Variants in PGPEP1 observed in about 807,000 individuals in gnomAD.
The protein encoded by PGPEP1 is pyroglutamyl-peptidase 1.
In PGPEP1, 15 loss-of-function variants were observed where a neutral mutation model predicts 24.1. The ratio of observed to expected loss-of-function variants is 0.62; its 90% confidence interval spans 0.42 to 0.96. PGPEP1 has a LOEUF of 0.96. PGPEP1 is among the 40% of genes least tolerant of loss of function. The pLI, the probability that PGPEP1 is intolerant of heterozygous loss-of-function variation, is 0.00. For missense variants in PGPEP1, 242 were observed against 273.4 expected (o/e 0.89, Z 0.81); for synonymous variants, 122 against 116.4 (o/e 1.05, Z -0.31).
At chr19:18,345,335 C>T (rs535058125) in intron 2 of PGPEP1, among the ~76,000 whole-genome samples, 1 of 152,146 alleles carries the variant, frequency 6.6e-6, no homozygotes, top group Admixed American at 6.5e-5. Flanking sequence ...GTTTAGGACA[C>T]AAGATTCCCC....
intron 2 of PGPEP1, among the ~76,000 whole-genome samples, chr19:18,353,734 A>G (rs1451142832): frequency 6.6e-6 from 1 of 152,140 alleles, no homozygotes; most frequent in Non-Finnish European, 1.5e-5. Flanking sequence ...CAATGGAATC[A>G]TACAATATGT....
rs915051793 is a variant in PGPEP1, at chr19:18,363,720, C to A, written c.*137C>A. 1 of 573,436 alleles carries A rather than the reference C, an allele frequency of 1.7e-6. No homozygotes were observed. Among genetic ancestry groups the A allele is most frequent in the Non-Finnish European group, 3.0e-6 (1 of 333,176 alleles). 35.5% of individuals were successfully genotyped at this position (573,436 alleles called of 1,614,324 possible). A position where few individuals can be genotyped will look rare whatever the true frequency, so the allele number is the denominator to read the frequency against. ...TGGAAGAGAGATTCTGATCTGCCCA[C>A]CTCCTCTTCCTCCTTCTCTACAAAA... On this transcript the variant is annotated 3_prime_UTR_variant, in exon 5 of 5. Transcript: ENST00000269919.
At position 18,368,041 on chromosome 19, in the gene PGPEP1, G is replaced by C. The variant is rs1197919004; in HGVS notation, c.*4458G>C. 1 of 152,068 alleles carries C rather than the reference G, an allele frequency of 6.6e-6. No homozygotes were observed. The highest frequency in any genetic ancestry group is 1.5e-5 in the Non-Finnish European group (1 of 68,088). The allele number at this position is 152,068 out of a possible 1,614,324, so 9.4% of individuals were successfully genotyped here. Reference sequence around the variant, plus strand: ...CCAGCTACTTGGGAGGCTGAGTTGGGAGGCTTATCTGAGCCCAGGAGGTGA... The same window carrying C: ...CCAGCTACTTGGGAGGCTGAGTTGGCAGGCTTATCTGAGCCCAGGAGGTGA... On this transcript the variant is annotated 3_prime_UTR_variant, in exon 5 of 5. Coordinates refer to ENST00000269919, the MANE Select transcript of PGPEP1 (RefSeq NM_017712.4).
At chr19:18,347,532 G>T (rs1970887028) in intron 2 of PGPEP1, among the ~76,000 whole-genome samples, 1 of 150,722 alleles carries the variant, frequency 6.6e-6, no homozygotes, top group Non-Finnish European at 1.5e-5. Flanking sequence ...CCCTGTGTGT[G>T]TCTCTGTCTC....
At chr19:18,350,461 C>T (rs373967715) in intron 2 of PGPEP1, among the ~76,000 whole-genome samples, 9 of 152,312 alleles carry the variant, frequency 5.9e-5, no homozygotes, top group Admixed American at 4.6e-4. Context: ...TTCAGTGTAA[C>T]GATCTCTCTC....
At chr19:18,353,889 G>A (rs977845253) in intron 2 of PGPEP1, among the ~76,000 whole-genome samples, 2 of 152,154 alleles carry the variant, frequency 1.3e-5, no homozygotes, top group African/African-American at 4.8e-5. Context: ...TCCATCTGTT[G>A]ATGGGCATTT....
At chr19:18,362,075 T>C (rs1971360208) in intron 4 of PGPEP1, among the ~76,000 whole-genome samples, 1 of 152,274 alleles carries the variant, frequency 6.6e-6, no homozygotes, top group Non-Finnish European at 1.5e-5. Flanking sequence ...TGTACTTTCT[T>C]GTACCCTTGT....
Position 18,367,619 on chromosome 19 carries a change from G to A in PGPEP1, c.*4036G>A, listed in dbSNP as rs1971592721. ...ATGTAGCTCAAAAAAGAAATAAGATGGAGTGGAAAGGAAAGAAAGGAAGAA... is the reference window on the plus strand; with the variant it reads ...ATGTAGCTCAAAAAAGAAATAAGATAGAGTGGAAAGGAAAGAAAGGAAGAA... On this transcript the variant is annotated 3_prime_UTR_variant, in exon 5 of 5. Transcript: ENST00000269919. 1.3e-5 allele frequency: 2 copies of A among 152,182 alleles called. No homozygotes were observed. Among genetic ancestry groups the A allele is most frequent in the African/African-American group, 2.4e-5 (1 of 41,356 alleles). 9.4% of individuals were successfully genotyped at this position (152,182 alleles called of 1,614,324 possible).
rs1491540208 is a variant in PGPEP1, at chr19:18,363,032, T to TG, written c.438-359_438-358insG. 1.5e-3 allele frequency among the ~76,000 whole-genome samples: 196 copies of TG among 132,926 alleles called. 1 individual carries two copies. The highest frequency in any genetic ancestry group is 4.6e-3 in the African/African-American group (159 of 34,296). The allele number at this position is 132,926 out of a possible 152,430, so 87.2% of individuals were successfully genotyped here. On this transcript the variant is annotated intron_variant, in intron 4 of 4. Coordinates refer to ENST00000269919, the MANE Select transcript of PGPEP1 (RefSeq NM_017712.4). Reference sequence around the variant, plus strand: ...ACTGGGAGTTATCAAGTTTTTTTTGTTTGTGTGTGTGTGTGTGTGTGTGTG... The same window carrying TG: ...ACTGGGAGTTATCAAGTTTTTTTTGTGTTGTGTGTGTGTGTGTGTGTGTGTG...
chr19:18,358,996 T>C (rs535454441), intron 4 of PGPEP1, among the ~76,000 whole-genome samples: 2 of 152,114 alleles, frequency 1.3e-5, no homozygotes, highest in African/African-American at 4.8e-5. Flanking sequence ...CTTTTATAAA[T>C]TTAAATCAGG....
At chr19:18,363,104 T>A (rs1232281842) in intron 4 of PGPEP1, among the ~76,000 whole-genome samples, 1 of 151,288 alleles carries the variant, frequency 6.6e-6, no homozygotes, top group Non-Finnish European at 1.5e-5. Context: ...TCACCCAGGC[T>A]GAGTGCAGTG....
At position 18,366,199 on chromosome 19, in the gene PGPEP1, G is replaced by C. The variant is rs1568323214; in HGVS notation, c.*2616G>C. On this transcript the variant is annotated 3_prime_UTR_variant, in exon 5 of 5. Transcript: ENST00000269919. ...TCTAGCCAAGACAGGGACAAAATGGGGAAGGGGATGTGCCAGGCCTGAACT... is the reference window on the plus strand; with the variant it reads ...TCTAGCCAAGACAGGGACAAAATGGCGAAGGGGATGTGCCAGGCCTGAACT... 1 of 152,192 alleles carries C rather than the reference G, an allele frequency of 6.6e-6. No individual in the cohort carries two copies. Among genetic ancestry groups the C allele is most frequent in the Non-Finnish European group, 1.5e-5 (1 of 68,096 alleles). 9.4% of individuals were successfully genotyped at this position (152,192 alleles called of 1,614,324 possible). A position where few individuals can be genotyped will look rare whatever the true frequency, so the allele number is the denominator to read the frequency against.
At position 18,365,741 on chromosome 19, in the gene PGPEP1, G is replaced by T. The variant is rs185020272; in HGVS notation, c.*2158G>T. On this transcript the variant is annotated 3_prime_UTR_variant, in exon 5 of 5. Transcript: ENST00000269919. Reference sequence around the variant, plus strand: ...TGGCAGTGGTTCCTACCTCTGTTGGGTTTCTAGATAGTTTGGGAACGGGGT... The same window carrying T: ...TGGCAGTGGTTCCTACCTCTGTTGGTTTTCTAGATAGTTTGGGAACGGGGT... The T allele has an allele frequency of 1.3e-5, 2 of 152,156 alleles. No individual in the cohort carries two copies. Among genetic ancestry groups the T allele is most frequent in the African/African-American group, 4.8e-5 (2 of 41,424 alleles). The allele number at this position is 152,156 out of a possible 1,614,324, so 9.4% of individuals were successfully genotyped here. A position where few individuals can be genotyped will look rare whatever the true frequency, so the allele number is the denominator to read the frequency against.
chr19:18,342,779 A>G, intron 1 of PGPEP1, 80 bp from the exon 2 acceptor site: 3 of 1,061,462 alleles, frequency 2.8e-6, no homozygotes, highest in Non-Finnish European at 4.4e-6. Context: ...TTGCTTCTCC[A>G]GGTGGGAGTA....
In PGPEP1 at chr19:18,357,593, A is replaced by G; in HGVS notation, c.415A>G (p.Thr139Ala). 6.2e-7 allele frequency: 1 copy of G among 1,609,566 alleles called. No individual in the cohort carries two copies. Among genetic ancestry groups the G allele is most frequent in the Non-Finnish European group, 8.5e-7 (1 of 1,177,980 alleles). Reference sequence around the variant, plus strand: ...CACGTTGGGCCTGGATGTGTCGGTGACCATCTCGCAGGATGCCGGCAGGTA... The same window carrying G: ...CACGTTGGGCCTGGATGTGTCGGTGGCCATCTCGCAGGATGCCGGCAGGTA... ...VTTLGLDVSV[T>A]ISQDAGRYLC... Residue 139 changes from threonine (T) to alanine (A), a missense_variant, in exon 4 of 5, where the codon ACC becomes GCC. Thr to Ala is a moderately conservative substitution (Grantham distance 58). Coordinates refer to ENST00000269919, the MANE Select transcript of PGPEP1 (RefSeq NM_017712.4).
rs1971613827 is a variant in PGPEP1 at position 18,368,401 on chromosome 19, TG to T, written c.*4819del. The T allele has an allele frequency of 6.8e-6, 1 of 147,264 alleles. No homozygotes were observed. The highest frequency in any genetic ancestry group is 2.1e-4 in the South Asian group (1 of 4,720). 9.1% of individuals were successfully genotyped at this position (147,264 alleles called of 1,614,324 possible). A position where few individuals can be genotyped will look rare whatever the true frequency, so the allele number is the denominator to read the frequency against. On this transcript the variant is annotated 3_prime_UTR_variant, in exon 5 of 5. Transcript: ENST00000269919. Reference sequence around the variant, plus strand: ...TTGCAGTGGTGTGAGATCACGCCACTGCATTCCAGACTGGGCAACATAGCAA... The same window carrying T: ...TTGCAGTGGTGTGAGATCACGCCACTCATTCCAGACTGGGCAACATAGCAA...
At chr19:18,356,079 C>T in intron 3 of PGPEP1, 68 bp downstream of exon 3, 1 of 942,100 alleles carries the variant, frequency 1.1e-6, no homozygotes, top group Non-Finnish European at 1.8e-6. Context: ...ATGTGGAGGA[C>T]TTAGGTGGCT....
At chr19:18,353,271 G>A (rs62122391) in intron 2 of PGPEP1, among the ~76,000 whole-genome samples, 32,811 of 150,146 alleles carry the variant, frequency 0.22, 4,292 homozygotes, top group East Asian at 0.42. Context: ...AGGCCATAGC[G>A]CAGTGGTGCA....
intron 3 of PGPEP1, among the ~76,000 whole-genome samples, chr19:18,356,720 C>T (rs1971194788): frequency 6.6e-6 from 1 of 152,160 alleles, no homozygotes; most frequent in Non-Finnish European, 1.5e-5. Context: ...GCACTCCAGC[C>T]TGGGCAACAG....
Sources: gnomAD v4.1 joint callset for allele counts (sites outside exome capture counted in the v4.1 genomes callset) on GRCh38, gnomAD v4.1.1 for gene constraint, MANE v1.5 for transcripts, NCBI Gene and HGNC (gene_info 2026-07-23, HGNC 2026-07-21) for gene names.